Variants in DEAF1 observed in about 807,000 individuals in gnomAD.
DEAF1 encodes deformed epidermal autoregulatory factor 1 homolog.
A neutral mutation model predicts 58.9 loss-of-function variants in DEAF1; 53 were observed. The ratio of observed to expected loss-of-function variants is 0.90; its 90% confidence interval spans 0.72 to 1.13. DEAF1 has a LOEUF of 1.13. Among genes scored for constraint, DEAF1 ranks in the 50% most tolerant of loss-of-function variants. The probability of loss-of-function intolerance (pLI) is 0.00; values close to 1 mark genes in which losing one functional copy is unlikely to be tolerated. For synonymous variants in DEAF1, 385 were observed against 340.4 expected (o/e 1.13, Z -1.44); for missense variants, 685 against 791.4 (o/e 0.87, Z 1.61).
intron 2 of DEAF1, among the ~76,000 whole-genome samples, chr11:689,381 A>ATT (rs374111650): frequency 1.7e-3 from 242 of 145,388 alleles, no homozygotes; most frequent in African/African-American, 5.6e-3. Flanking sequence ...AATTTTTTGC[A>ATT]TTTTTTTTTT....
intron 6 of DEAF1, 98 bp from the exon 7 acceptor site, chr11:681,187 G>A: frequency 6.5e-7 from 1 of 1,530,628 alleles, no homozygotes; most frequent in Non-Finnish European, 9.0e-7. Flanking sequence ...GGGTGTGTGA[G>A]TCACATGGTG....
Position 644,704 on chromosome 11 carries a change from G to A in DEAF1, c.1594-50C>T. 6.8e-7 allele frequency: 1 copy of A among 1,472,038 alleles called. No individual in the cohort carries two copies. Among genetic ancestry groups the A allele is most frequent in the Non-Finnish European group, 9.3e-7 (1 of 1,077,056 alleles). 91.2% of individuals were successfully genotyped at this position (1,472,038 alleles called of 1,614,324 possible). A position where few individuals can be genotyped will look rare whatever the true frequency, so the allele number is the denominator to read the frequency against. On this transcript the variant is annotated intron_variant, in intron 11 of 11. Transcript: ENST00000382409. This position sits in a 1 kb window ranked among gnomAD's most constrained non-coding sequence, Gnocchi z 4.3. ...CAGCAGGGTCAGTGGGTGGAGCAGG[G>A]TCTGGGCAGGGTCCCCAAGGCAGAC... is the stretch of plus-strand genomic sequence containing the variant.
chr11:689,198 T>C (rs985358967), intron 2 of DEAF1, among the ~76,000 whole-genome samples: 2 of 135,952 alleles, frequency 1.5e-5, no homozygotes, highest in Admixed American at 8.2e-5. Context: ...CTTTTTTTCT[T>C]TTTCTTTTTT....
chr11:701,660 C>T (rs7121162), intron 1 of DEAF1, among the ~76,000 whole-genome samples: 8,449 of 152,096 alleles, frequency 0.056, 392 homozygotes, highest in African/African-American at 0.14. Context: ...CCGCCCACCT[C>T]GGCCTCCCAA....
chr11:689,337 C>G (rs1860735494), intron 2 of DEAF1, among the ~76,000 whole-genome samples: 1 of 150,858 alleles, frequency 6.6e-6, no homozygotes. Flanking sequence ...TCCTAAGTAG[C>G]TGGGACTACA....
At position 703,532 on chromosome 11, in the gene DEAF1, A is replaced by G. The variant is rs905523964; in HGVS notation, c.-438+3040T>C. The G allele has an allele frequency of 3.2e-6, 4 of 1,235,216 alleles. No individual in the cohort carries two copies. In the African/African-American group the frequency reaches 4.7e-5, roughly 14 times the overall value. The allele number at this position is 1,235,216 out of a possible 1,614,324, so 76.5% of individuals were successfully genotyped here. On this transcript the variant is annotated intron_variant, in intron 1 of 11. Transcript: ENST00000683307. ...CAGAACAGAGGCCTCATCTCACTGCATCCCCCATCACCCCCTAGTTCCCCA... is the reference window on the plus strand; with the variant it reads ...CAGAACAGAGGCCTCATCTCACTGCGTCCCCCATCACCCCCTAGTTCCCCA...
At chr11:656,928 G>A (rs529476324) in intron 10 of DEAF1, among the ~76,000 whole-genome samples, 7 of 152,172 alleles carry the variant, frequency 4.6e-5, no homozygotes, top group Admixed American at 1.3e-4. Context: ...TTTGGGGTCT[G>A]AATTAGAGTC....
At chr11:649,682 TGCA>T (rs1858673466) in intron 11 of DEAF1, among the ~76,000 whole-genome samples, 1 of 152,068 alleles carries the variant, frequency 6.6e-6, no homozygotes, top group Non-Finnish European at 1.5e-5. Flanking sequence ...ATTACGCCAG[TGCA>T]CTCCAGCCTG....
At chr11:671,767 CAGG>C (rs1859833442) in intron 10 of DEAF1, among the ~76,000 whole-genome samples, 1 of 139,578 alleles carries the variant, frequency 7.2e-6, no homozygotes, top group Non-Finnish European at 1.5e-5. Context: ...CCCGTATTTC[CAGG>C]AGTTTGAGCC....
At chr11:701,566 A>T (rs1468361851) in intron 1 of DEAF1, among the ~76,000 whole-genome samples, 3 of 151,930 alleles carry the variant, frequency 2.0e-5, no homozygotes, top group Non-Finnish European at 4.4e-5. Context: ...GCCCGCCACC[A>T]CGCCCGGCTC....
At chr11:689,920 A>T (rs753996836) in intron 2 of DEAF1, 1 of 151,998 alleles carries the variant, frequency 6.6e-6, no homozygotes, top group Admixed American at 6.6e-5. Context: ...CCCTCCTAGG[A>T]AATGAGGAGG....
intron 5 of DEAF1, among the ~76,000 whole-genome samples, chr11:685,234 A>G (rs1860542536): frequency 6.6e-6 from 1 of 151,732 alleles, no homozygotes; most frequent in South Asian, 2.1e-4. Flanking sequence ...ATAGGTTTGC[A>G]CCACCACACC....
chr11:671,443 A>G (rs1395694817), intron 10 of DEAF1, among the ~76,000 whole-genome samples: 1 of 151,958 alleles, frequency 6.6e-6, no homozygotes, highest in Non-Finnish European at 1.5e-5. Flanking sequence ...GCTGGTCTCA[A>G]ACTCCTGGGC....
intron 10 of DEAF1, among the ~76,000 whole-genome samples, chr11:659,178 G>A (rs1231125891): frequency 2.0e-5 from 3 of 148,564 alleles, no homozygotes; most frequent in Admixed American, 6.8e-5. Context: ...CATCGCTTGA[G>A]CCCAAGAGTT....
intron 7 of DEAF1, chr11:680,194 G>T: frequency 3.1e-6 from 1 of 320,106 alleles, no homozygotes; most frequent in Non-Finnish European, 6.1e-6. Flanking sequence ...GTGTCCCACA[G>T]CAAGGCTGCC....
intron 1 of DEAF1, chr11:700,826 C>A: frequency 1.0e-6 from 1 of 960,032 alleles, no homozygotes; most frequent in Non-Finnish European, 1.7e-6. Context: ...ATCCAAACTG[C>A]TTACCCAGTT....
chr11:654,687 T>C lies in DEAF1; in HGVS notation c.1504-636A>G, dbSNP rs1356139784. ...GTCAGGAGTTCAGCACAGGCAACGT[T>C]GCGAAACCCAGTCTCTACTAAAAAT... On this transcript the variant is annotated intron_variant, in intron 10 of 11. Coordinates refer to ENST00000382409, the MANE Select transcript of DEAF1 (RefSeq NM_021008.4). 4.4e-6 allele frequency: 2 copies of C among 451,538 alleles called. 1 individual carries two copies. The highest frequency in any genetic ancestry group is 4.1e-5 in the African/African-American group (2 of 48,976). The allele number at this position is 451,538 out of a possible 1,614,324, so 28.0% of individuals were successfully genotyped here. A position where few individuals can be genotyped will look rare whatever the true frequency, so the allele number is the denominator to read the frequency against.
At chr11:698,643 C>T (rs546375917), upstream of DEAF1, among the ~76,000 whole-genome samples, 1 of 152,158 alleles carries the variant, frequency 6.6e-6, no homozygotes, top group Non-Finnish European at 1.5e-5. Context: ...TACTCGCTGT[C>T]TCCAGCCTCA....
At chr11:698,691 A>G (rs912585106), upstream of DEAF1, among the ~76,000 whole-genome samples, 2 of 151,928 alleles carry the variant, frequency 1.3e-5, no homozygotes, top group African/African-American at 4.8e-5. Flanking sequence ...TCATTGAAGG[A>G]TGGTTAGAGA....
Sources: allele counts gnomAD v4.1 joint callset (sites outside exome capture counted in the v4.1 genomes callset), GRCh38; gene constraint gnomAD v4.1.1; non-coding constraint Gnocchi (gnomAD v3.1); transcripts MANE v1.5; gene names NCBI Gene and HGNC (gene_info 2026-07-23, HGNC 2026-07-21).